PREX1: variants seen among roughly 807,000 people sequenced by gnomAD.
PREX1 encodes the protein phosphatidylinositol-3,4,5-trisphosphate dependent Rac exchange factor 1.
In PREX1, 41 loss-of-function variants were observed where a neutral mutation model predicts 198.3. The observed-to-expected ratio is 0.21, with a 90% confidence interval of 0.16 to 0.27. The LOEUF is 0.27. PREX1 is among the 10% of genes least tolerant of loss of function. The pLI, the probability that PREX1 is intolerant of heterozygous loss-of-function variation, is 1.00. For missense variants in PREX1, 1,620 were observed against 2,200.7 expected (o/e 0.74, Z 5.28); for synonymous variants, 843 against 887.2 (o/e 0.95, Z 0.89).
chr20:48,737,436 T>C (rs1235106564), intron 3 of PREX1, among the ~76,000 whole-genome samples: 2 of 152,102 alleles, frequency 1.3e-5, no homozygotes, highest in Non-Finnish European at 2.9e-5. Context: ...TTTTCATCTG[T>C]TGAGGTCACT....
chr20:48,734,912 A>G (rs1237955912), intron 3 of PREX1, among the ~76,000 whole-genome samples: 1 of 152,126 alleles, frequency 6.6e-6, no homozygotes, highest in Non-Finnish European at 1.5e-5. Context: ...TAGACTCAAG[A>G]AGAGCAGCCT....
In PREX1 at chr20:48,685,900, C is replaced by T. The variant is rs6125430; in HGVS notation, c.1334+2757G>A. 1.3e-4 allele frequency among the ~76,000 whole-genome samples: 18 copies of T among 133,932 alleles called. 1 individual carries two copies. The highest frequency in any genetic ancestry group is 7.9e-5 in the Admixed American group (1 of 12,618). 87.9% of individuals were successfully genotyped at this position (133,932 alleles called of 152,430 possible). A position where few individuals can be genotyped will look rare whatever the true frequency, so the allele number is the denominator to read the frequency against. ...CAGAGCGAGACCCTGTCTCTAAAAACCAAAAGATAAATCAGACACTTTTTA... is the reference window on the plus strand; with the variant it reads ...CAGAGCGAGACCCTGTCTCTAAAAATCAAAAGATAAATCAGACACTTTTTA... On this transcript the variant is annotated intron_variant, in intron 10 of 39. Coordinates refer to ENST00000371941, the MANE Select transcript of PREX1 (RefSeq NM_020820.4).
intron 5 of PREX1, among the ~76,000 whole-genome samples, chr20:48,725,888 G>T (rs1197636721): frequency 6.6e-6 from 1 of 152,168 alleles, no homozygotes; most frequent in African/African-American, 2.4e-5. Flanking sequence ...GATGATAAAT[G>T]GTACATGCAA....
At position 48,666,225 on chromosome 20, in the gene PREX1, A is replaced by G; in HGVS notation, c.1738+58T>C. On this transcript the variant is annotated intron_variant, in intron 15 of 39. Coordinates refer to ENST00000371941, the MANE Select transcript of PREX1 (RefSeq NM_020820.4). The surrounding 1 kb of genome is among the most constrained non-coding windows in gnomAD (Gnocchi z 4.3). The stretch of plus-strand genomic sequence containing the variant: ...GCTTCAGTCCTCCCATACTCCCCCA[A>G]ACCATCAGCTCCAGGGAGCAAGGTC... 1.3e-6 allele frequency: 2 copies of G among 1,494,006 alleles called. No homozygotes were observed. The highest frequency in any genetic ancestry group is 3.9e-5 in the Admixed American group (2 of 50,888). The allele number at this position is 1,494,006 out of a possible 1,614,324, so 92.5% of individuals were successfully genotyped here. A position where few individuals can be genotyped will look rare whatever the true frequency, so the allele number is the denominator to read the frequency against.
intron 14 of PREX1, among the ~76,000 whole-genome samples, chr20:48,673,373 A>G (rs1335682192): frequency 6.6e-6 from 1 of 152,136 alleles, no homozygotes; most frequent in Non-Finnish European, 1.5e-5. Context: ...TTCTATCTCC[A>G]AATACCTCTC....
At chr20:48,739,327 GC>G (rs1204970996) in intron 3 of PREX1, among the ~76,000 whole-genome samples, 11 of 152,188 alleles carry the variant, frequency 7.2e-5, no homozygotes, top group Non-Finnish European at 1.5e-4. Flanking sequence ...ACCCCAGGAT[GC>G]CCAGGTGAAT....
intron 1 of PREX1, among the ~76,000 whole-genome samples, chr20:48,779,187 T>G (rs1030138649): frequency 6.6e-6 from 1 of 152,318 alleles, no homozygotes; most frequent in South Asian, 2.1e-4. Flanking sequence ...ATTAAAAAAC[T>G]TGAACATTTT....
chr20:48,714,956 A>G (rs1380321277), intron 5 of PREX1, among the ~76,000 whole-genome samples: 1 of 152,222 alleles, frequency 6.6e-6, no homozygotes, highest in East Asian at 1.9e-4. Flanking sequence ...CGAGAGCTTG[A>G]GCGATACTAA....
At chr20:48,850,225 C>A in the PREX1 span, among the ~76,000 whole-genome samples, 1 of 152,158 alleles carries the variant, frequency 6.6e-6, no homozygotes. Flanking sequence ...CTCTGGCTTT[C>A]CCATCCACTG....
intron 5 of PREX1, among the ~76,000 whole-genome samples, chr20:48,721,627 G>A (rs1234747646): frequency 6.6e-6 from 1 of 152,238 alleles, no homozygotes; most frequent in East Asian, 1.9e-4. Context: ...CAACAGCAAA[G>A]AACTTGGACC....
intron 1 of PREX1, among the ~76,000 whole-genome samples, chr20:48,796,970 C>G (rs189932455): frequency 1.1e-3 from 172 of 152,182 alleles, no homozygotes; most frequent in Non-Finnish European, 1.0e-3. Flanking sequence ...AAGACACCCT[C>G]TGGGGTGCTG....
intron 7 of PREX1, among the ~76,000 whole-genome samples, chr20:48,698,837 G>C (rs965981303): frequency 6.6e-6 from 1 of 152,194 alleles, no homozygotes; most frequent in African/African-American, 2.4e-5. Context: ...CTATGTCCCA[G>C]GCACACTCAC....
At chr20:48,879,944 G>A in the PREX1 span, among the ~76,000 whole-genome samples, 2 of 152,116 alleles carry the variant, frequency 1.3e-5, no homozygotes, top group African/African-American at 4.8e-5. Context: ...CTCCATGGTG[G>A]GACATATGGT....
At chr20:48,815,951 A>G (rs1372576608) in intron 1 of PREX1, among the ~76,000 whole-genome samples, 1 of 150,592 alleles carries the variant, frequency 6.6e-6, no homozygotes, top group Non-Finnish European at 1.5e-5. Flanking sequence ...TGGAGGTTGC[A>G]GTGAGCCGAG....
chr20:48,705,340 C>A (rs1272502812), intron 6 of PREX1, among the ~76,000 whole-genome samples: 1 of 152,164 alleles, frequency 6.6e-6, no homozygotes, highest in Non-Finnish European at 1.5e-5. Flanking sequence ...AACAGTGGCT[C>A]ACAAAGGATC....
the PREX1 span, among the ~76,000 whole-genome samples, chr20:48,848,648 C>A: frequency 6.4e-4 from 97 of 152,228 alleles, 1 homozygote; most frequent in Middle Eastern, 6.8e-3. Context: ...ACCCACCAGT[C>A]CCCCCAGAAT....
At chr20:48,844,159 G>T in the PREX1 span, among the ~76,000 whole-genome samples, 1 of 152,024 alleles carries the variant, frequency 6.6e-6, no homozygotes, top group Non-Finnish European at 1.5e-5. Context: ...TCTAGTAGCT[G>T]TGTCTCCATC....
At chr20:48,874,038 C>A in the PREX1 span, among the ~76,000 whole-genome samples, 4 of 152,194 alleles carry the variant, frequency 2.6e-5, no homozygotes, top group African/African-American at 9.7e-5. Context: ...CATGCTACCA[C>A]ACCCAGGTCA....
chr20:48,746,941 A>AAC lies in PREX1; in HGVS notation c.291+866_291+867dup, dbSNP rs57506374. ...CATAGAGTTTAGATCCCAGTGCATG[A>AAC]ACACACACACACACACACACACACA... On this transcript the variant is annotated intron_variant, in intron 2 of 39. Transcript: ENST00000371941. 1.1e-3 allele frequency among the ~76,000 whole-genome samples: 129 copies of AAC among 117,726 alleles called. 1 individual carries two copies. The highest frequency in any genetic ancestry group is 6.2e-3 in the East Asian group (22 of 3,544). The allele number at this position is 117,726 out of a possible 152,430, so 77.2% of individuals were successfully genotyped here.
Sources: gnomAD v4.1 joint callset for allele counts (sites outside exome capture counted in the v4.1 genomes callset) on GRCh38, gnomAD v4.1.1 for gene constraint, Gnocchi (gnomAD v3.1) non-coding constraint, MANE v1.5 for transcripts, NCBI Gene and HGNC (gene_info 2026-07-23, HGNC 2026-07-21) for gene names.